The following GTF2A1 variants were observed in gnomAD, a reference collection of about 807,000 sequenced individuals.
The protein encoded by GTF2A1 is general transcription factor IIA subunit 1.
GTF2A1 carries 12 observed loss-of-function variants against 54.1 expected under a neutral mutation model. That is an observed-to-expected ratio of 0.22 (90% CI 0.14 to 0.36). The LOEUF is 0.36. Ranked by LOEUF, GTF2A1 falls within the 10% of genes least tolerant of loss-of-function variation. The pLI is 1.00. For synonymous variants in GTF2A1, 145 were observed against 152.0 expected, an observed-to-expected ratio of 0.95 and a Z score of 0.34; for missense variants, 335 against 442.2, an observed-to-expected ratio of 0.76 and a Z score of 2.17.
At chr14:81,199,754 T>A (rs1698229917) in intron 4 of GTF2A1, among the ~76,000 whole-genome samples, 1 of 151,818 alleles carries the variant, frequency 6.6e-6, no homozygotes, top group Non-Finnish European at 1.5e-5. Flanking sequence ...AACCAGTAAG[T>A]AAGAGATGGA....
chr14:81,186,023 T>C, intron 7 of GTF2A1, among the ~76,000 whole-genome samples: 1 of 152,196 alleles, frequency 6.6e-6, no homozygotes, highest in East Asian at 1.9e-4. Context: ...CAGCTAATTT[T>C]TGTGTTTTTA....
chr14:81,209,856 T>C, intron 2 of GTF2A1: 2 of 1,165,442 alleles, frequency 1.7e-6, no homozygotes, highest in Non-Finnish European at 2.3e-6. Context: ...AAGACATTTC[T>C]ATTTTGTACT....
At chr14:81,217,867 T>G (rs1893520004) in intron 1 of GTF2A1, among the ~76,000 whole-genome samples, 1 of 152,206 alleles carries the variant, frequency 6.6e-6, no homozygotes, top group Non-Finnish European at 1.5e-5. Flanking sequence ...TCCTTCTCAT[T>G]ACAAGAAAAC....
At chr14:81,189,049 A>T (rs1211188791) in intron 7 of GTF2A1, among the ~76,000 whole-genome samples, 1 of 152,200 alleles carries the variant, frequency 6.6e-6, no homozygotes, top group East Asian at 1.9e-4. Flanking sequence ...ATTCTATTTT[A>T]AAAAGATTAA....
At position 81,220,724 on chromosome 14, in the gene GTF2A1, T is replaced by A; in HGVS notation, c.-206A>T. ...GGCACTCCTCCCGCAGCTGAAAACC[T>A]CGAGAATCGCCTTAAAAAAAAAAAA... On this transcript the variant is annotated 5_prime_UTR_variant, in exon 1 of 9. Coordinates refer to ENST00000553612, the MANE Select transcript of GTF2A1 (RefSeq NM_015859.4). 5 of 267,608 alleles carry A rather than the reference T, an allele frequency of 1.9e-5. No individual in the cohort carries two copies. Among genetic ancestry groups the A allele is most frequent in the South Asian group, 1.1e-4 (1 of 9,480 alleles). 16.6% of individuals were successfully genotyped at this position (267,608 alleles called of 1,614,324 possible). A position where few individuals can be genotyped will look rare whatever the true frequency, so the allele number is the denominator to read the frequency against.
chr14:81,197,808 T>C (rs1178019659), intron 4 of GTF2A1, among the ~76,000 whole-genome samples: 1 of 152,194 alleles, frequency 6.6e-6, no homozygotes, highest in Non-Finnish European at 1.5e-5. Context: ...AGCCTTCCTA[T>C]ACTCAATCTA....
chr14:81,184,600 C>G (rs1312181478), intron 8 of GTF2A1, among the ~76,000 whole-genome samples: 1 of 152,094 alleles, frequency 6.6e-6, no homozygotes, highest in Admixed American at 6.6e-5. Flanking sequence ...TTGAAGTAAG[C>G]ACGGCTACTT....
At chr14:81,210,407 C>T (rs1893337390) in intron 2 of GTF2A1, among the ~76,000 whole-genome samples, 1 of 152,042 alleles carries the variant, frequency 6.6e-6, no homozygotes, top group African/African-American at 2.4e-5. Flanking sequence ...TGGCTCATGC[C>T]TGTAAACCCA....
chr14:81,205,036 T>G (rs1210660014), intron 2 of GTF2A1, among the ~76,000 whole-genome samples: 1 of 152,242 alleles, frequency 6.6e-6, no homozygotes, highest in Non-Finnish European at 1.5e-5. Flanking sequence ...GCTCTTGGCA[T>G]ATTGCCTAAT....
At chr14:81,185,474 T>C (rs889207082) in intron 8 of GTF2A1, 57 bp downstream of exon 8, 10 of 944,546 alleles carry the variant, frequency 1.1e-5, no homozygotes, top group African/African-American at 4.8e-5. Context: ...GAAAGAATAA[T>C]GTAGGGAAGA....
intron 2 of GTF2A1, among the ~76,000 whole-genome samples, chr14:81,210,440 G>C (rs1055418896): frequency 1.3e-5 from 2 of 152,144 alleles, no homozygotes; most frequent in African/African-American, 4.8e-5. Context: ...GCTGAGGTGG[G>C]CAGATCACGA....
intron 3 of GTF2A1, among the ~76,000 whole-genome samples, chr14:81,203,421 T>C (rs76942993): frequency 6.6e-6 from 1 of 152,292 alleles, no homozygotes; most frequent in East Asian, 1.9e-4. Flanking sequence ...TGCCAAAGTA[T>C]ACAAAAAACT....
At chr14:81,191,837 C>A (rs1892882574) in intron 7 of GTF2A1, among the ~76,000 whole-genome samples, 1 of 151,884 alleles carries the variant, frequency 6.6e-6, no homozygotes, top group East Asian at 1.9e-4. Context: ...ACTATGTTTT[C>A]TTCAGAAAAA....
intron 2 of GTF2A1, chr14:81,204,415 T>C: frequency 2.4e-6 from 1 of 408,864 alleles, no homozygotes; most frequent in Non-Finnish European, 4.6e-6. Context: ...AAGCAACTTC[T>C]TTAGTAATCA....
intron 8 of GTF2A1, among the ~76,000 whole-genome samples, chr14:81,184,657 CTATAAAGGAAACTTCATGCAAG>C (rs1440520352): frequency 6.6e-6 from 1 of 152,130 alleles, no homozygotes; most frequent in Non-Finnish European, 1.5e-5. Context: ...TTTTCTTCAT[CTATAAAGGAAACTTCATGCAAG>C]GCATGAATTT....
chr14:81,197,152 T>C (rs1893009526), intron 5 of GTF2A1: 1 of 283,072 alleles, frequency 3.5e-6, no homozygotes, highest in East Asian at 6.2e-5. Context: ...AGCATTTTTA[T>C]ATAATCATAC....
intron 7 of GTF2A1, among the ~76,000 whole-genome samples, chr14:81,189,911 A>C (rs1892836849): frequency 6.6e-6 from 1 of 152,222 alleles, no homozygotes; most frequent in South Asian, 2.1e-4. Context: ...TCAGAAAAGA[A>C]TAGAATGGGA....
Position 81,220,601 on chromosome 14 carries a change from C to G in GTF2A1, c.-83G>C, listed in dbSNP as rs1333819777. 12 of 1,119,024 alleles carry G rather than the reference C, an allele frequency of 1.1e-5. No individual in the cohort carries two copies. The highest frequency in any genetic ancestry group is 1.5e-5 in the Non-Finnish European group (12 of 794,338). The allele number at this position is 1,119,024 out of a possible 1,614,324, so 69.3% of individuals were successfully genotyped here. ...ACCAAAAAAAAAAAAACTATAACAC[C>G]CGGAGGGTGACCCAAATCACCGCAA... On this transcript the variant is annotated 5_prime_UTR_variant, in exon 1 of 9. Coordinates refer to ENST00000553612, the MANE Select transcript of GTF2A1 (RefSeq NM_015859.4).
chr14:81,204,310 A>C, intron 2 of GTF2A1: 4 of 709,186 alleles, frequency 5.6e-6, no homozygotes, highest in Non-Finnish European at 1.0e-5. Flanking sequence ...GCCACATCAG[A>C]GTACTGAAGA....
Sources: allele counts gnomAD v4.1 joint callset (sites outside exome capture counted in the v4.1 genomes callset), GRCh38; gene constraint gnomAD v4.1.1; transcripts MANE v1.5; gene names NCBI Gene and HGNC (gene_info 2026-07-23, HGNC 2026-07-21).